The following LPP variants were observed in gnomAD, a reference collection of about 807,000 sequenced individuals.
LPP encodes the protein LIM domain containing preferred translocation partner in lipoma.
In LPP, 38 loss-of-function variants were observed where a neutral mutation model predicts 60.4. The observed-to-expected ratio is 0.63, with a 90% CI of 0.49 to 0.83. The LOEUF is 0.83. LPP is among the 40% of genes least tolerant of loss of function. The pLI, the probability that LPP is intolerant of heterozygous loss-of-function variation, is 0.00. For missense variants in LPP, 902 were observed against 783.6 expected (o/e 1.15, Z -1.80); for synonymous variants, 328 against 290.8 (o/e 1.13, Z -1.30).
At chr3:188,534,161 C>A (rs922355329) in intron 6 of LPP, among the ~76,000 whole-genome samples, 11 of 152,192 alleles carry the variant, frequency 7.2e-5, no homozygotes, top group African/African-American at 2.4e-4. Context: ...CAGATAGCTG[C>A]TGAGTGCCAT....
chr3:188,404,594 C>G (rs2148846827), intron 3 of LPP, among the ~76,000 whole-genome samples: 1 of 152,204 alleles, frequency 6.6e-6, no homozygotes, highest in South Asian at 2.1e-4. Flanking sequence ...CGATGCCGTT[C>G]AAAGTCATGC....
At chr3:188,853,793 C>T (rs2151881219) in intron 9 of LPP, among the ~76,000 whole-genome samples, 1 of 152,032 alleles carries the variant, frequency 6.6e-6, no homozygotes, top group African/African-American at 2.4e-5. Flanking sequence ...AAACTGAACA[C>T]AGACTCCAAA....
chr3:188,654,925 G>T (rs576422765), intron 7 of LPP, among the ~76,000 whole-genome samples: 1 of 152,302 alleles, frequency 6.6e-6, no homozygotes, highest in South Asian at 2.1e-4. Flanking sequence ...GAATATTGTA[G>T]TCCAGGAGTT....
At chr3:188,524,812 C>T (rs188834966) in intron 6 of LPP, 25 bp downstream of exon 6, 33 of 1,605,646 alleles carry the variant, frequency 2.1e-5, no homozygotes. Flanking sequence ...CAATCATCTC[C>T]ACACAGCCAT....
At chr3:188,284,352 T>A (rs1005396219) in intron 2 of LPP, among the ~76,000 whole-genome samples, 1 of 151,906 alleles carries the variant, frequency 6.6e-6, no homozygotes, top group Non-Finnish European at 1.5e-5. Flanking sequence ...AAGGTGGAGG[T>A]GCACAGGCCT....
At chr3:188,634,345 A>C (rs1848342595) in intron 7 of LPP, among the ~76,000 whole-genome samples, 4 of 152,350 alleles carry the variant, frequency 2.6e-5, no homozygotes, top group African/African-American at 9.6e-5. Flanking sequence ...TAGAGAAGAC[A>C]CAATCCCTTG....
intron 2 of LPP, among the ~76,000 whole-genome samples, chr3:188,293,800 C>A (rs150739445): frequency 1.2e-4 from 19 of 152,204 alleles, no homozygotes; most frequent in African/African-American, 4.6e-4. Flanking sequence ...CACCATGGCT[C>A]ATGCTTGTAA....
chr3:188,518,848 T>C (rs1211887242), intron 5 of LPP, among the ~76,000 whole-genome samples: 1 of 152,170 alleles, frequency 6.6e-6, no homozygotes, highest in Non-Finnish European at 1.5e-5. Flanking sequence ...ATATCCTGGA[T>C]AAGATTTTCC....
At chr3:188,772,411 C>G (rs1266017775) in intron 9 of LPP, among the ~76,000 whole-genome samples, 1 of 152,246 alleles carries the variant, frequency 6.6e-6, no homozygotes, top group Non-Finnish European at 1.5e-5. Flanking sequence ...TATCAAGTCA[C>G]TGGCATCCTT....
chr3:188,424,669 TC>T (rs1274011568), intron 4 of LPP, among the ~76,000 whole-genome samples: 14 of 152,170 alleles, frequency 9.2e-5, no homozygotes, highest in African/African-American at 3.4e-4. Context: ...GTCATTCACA[TC>T]CCTTGTAAGT....
intron 6 of LPP, among the ~76,000 whole-genome samples, chr3:188,531,747 A>G (rs559848254): frequency 4.9e-4 from 74 of 152,270 alleles, no homozygotes; most frequent in African/African-American, 1.8e-3. Context: ...CTGCCTGTCC[A>G]TCTTTATCCT....
chr3:188,637,445 T>G (rs1181450285), intron 7 of LPP, among the ~76,000 whole-genome samples: 3 of 150,942 alleles, frequency 2.0e-5, no homozygotes, highest in Non-Finnish European at 3.0e-5. Flanking sequence ...AACATCACAA[T>G]TAAAAGAACT....
intron 9 of LPP, among the ~76,000 whole-genome samples, chr3:188,857,788 A>T (rs1251445239): frequency 6.6e-6 from 1 of 152,184 alleles, no homozygotes; most frequent in Non-Finnish European, 1.5e-5. Flanking sequence ...CCATTTGTTG[A>T]AAGGACAGAT....
intron 4 of LPP, among the ~76,000 whole-genome samples, chr3:188,447,769 C>A (rs1016265219): frequency 1.3e-5 from 2 of 151,874 alleles, no homozygotes; most frequent in African/African-American, 4.8e-5. Flanking sequence ...CAGCAAGACT[C>A]CATCTTAGAA....
intron 3 of LPP, among the ~76,000 whole-genome samples, chr3:188,363,393 G>T (rs1165345184): frequency 6.6e-6 from 1 of 152,194 alleles, no homozygotes; most frequent in Non-Finnish European, 1.5e-5. Context: ...TCTCAGCAAA[G>T]AGTGAGTTCC....
At chr3:188,637,544 A>G (rs1849080472) in intron 7 of LPP, among the ~76,000 whole-genome samples, 1 of 150,870 alleles carries the variant, frequency 6.6e-6, no homozygotes. Context: ...AGATACATAA[A>G]AAACCCTTCA....
At chr3:188,160,155 C>G (rs1717804422) in intron 1 of LPP, among the ~76,000 whole-genome samples, 2 of 152,056 alleles carry the variant, frequency 1.3e-5, no homozygotes, top group South Asian at 4.2e-4. Flanking sequence ...CGTGATCCAC[C>G]TGCCTTGGTC....
rs549244386 is a variant in LPP, at chr3:188,438,966, A to C, written c.193+32653A>C. On this transcript the variant is annotated intron_variant, in intron 4 of 11. Coordinates refer to ENST00000617246, the MANE Select transcript of LPP (RefSeq NM_001375462.1). ...CTTGGAGGTCTAATCATGTTTTCAA[A>C]ACTTTGGCTCAACTGTAGTTAGTGC... Among the ~76,000 whole-genome samples the C allele has an allele frequency of 3.3e-5, 5 of 152,276 alleles. No homozygotes were observed. In the South Asian group the frequency reaches 1.0e-3, roughly 32 times the overall value.
intron 6 of LPP, among the ~76,000 whole-genome samples, chr3:188,592,560 T>TGTTTTTTTTTTTTG (rs1580232815): frequency 7.5e-6 from 1 of 133,574 alleles, no homozygotes; most frequent in African/African-American, 2.7e-5. Context: ...TGTTTTTGTT[T>TGTTTTTTTTTTTTG]TTTAAATGGA....
Sources: allele counts gnomAD v4.1 joint callset (sites outside exome capture counted in the v4.1 genomes callset), GRCh38; gene constraint gnomAD v4.1.1; transcripts MANE v1.5; gene names NCBI Gene and HGNC (gene_info 2026-07-23, HGNC 2026-07-21).